Variants in NUP107 observed in about 807,000 individuals in gnomAD.
NUP107 encodes nuclear pore complex protein Nup107.
A neutral mutation model predicts 141.0 loss-of-function variants in NUP107; 101 were observed. The observed-to-expected ratio is 0.72, with a 90% confidence interval of 0.61 to 0.84. The LOEUF is 0.84. Among genes scored for constraint, NUP107 ranks in the 40% least tolerant of loss-of-function variants. NUP107 has a pLI of 0.00. For missense variants in NUP107, 941 were observed against 1,102.7 expected (o/e 0.85, Z 2.08); for synonymous variants, 319 against 363.9 (o/e 0.88, Z 1.41).
chr12:68,738,419 C>T (rs897526358), intron 26 of NUP107, among the ~76,000 whole-genome samples: 11 of 151,318 alleles, frequency 7.3e-5, no homozygotes, highest in Non-Finnish European at 1.3e-4. Flanking sequence ...CCACTGCACT[C>T]CAGCCTGGGC....
chr12:68,710,097 A>G lies in NUP107; in HGVS notation c.890+4A>G, dbSNP rs1565692910. The G allele has an allele frequency of 7.1e-7, 1 of 1,412,040 alleles. No homozygotes were observed. The highest frequency in any genetic ancestry group is 1.7e-5 in the Admixed American group (1 of 58,274). The allele number at this position is 1,412,040 out of a possible 1,614,324, so 87.5% of individuals were successfully genotyped here. On this transcript the variant is annotated splice_donor_region_variant and intron_variant, in intron 10 of 27. Transcript: ENST00000229179. ...TTTATGCAAAATCAGTATATTGGTAAGTTACCAAACTTTAATTCTTAAGGT... is the reference window on the plus strand; with the variant it reads ...TTTATGCAAAATCAGTATATTGGTAGGTTACCAAACTTTAATTCTTAAGGT...
At chr12:68,721,075 G>C in intron 14 of NUP107, 43 bp from the exon 15 acceptor site, 1 of 1,337,214 alleles carries the variant, frequency 7.5e-7, no homozygotes, top group Non-Finnish European at 1.1e-6. Context: ...GACATACTAA[G>C]AAAAACAATA....
In NUP107 at chr12:68,733,674, C is replaced by T. The variant is rs572057315; in HGVS notation, c.2262+62C>T. The T allele has an allele frequency of 3.3e-6, 5 of 1,530,998 alleles. No individual in the cohort carries two copies. In the South Asian group the frequency reaches 6.3e-5, roughly 19 times the overall value. The allele number at this position is 1,530,998 out of a possible 1,614,324, so 94.8% of individuals were successfully genotyped here. ...CATGATGATTTTTCGGATTCACTCT[C>T]AGAGTTTGAACTTTTTTCTAGAAGT... On this transcript the variant is annotated intron_variant, in intron 24 of 27. Transcript: ENST00000229179.
At chr12:68,687,683 A>T (rs1875564519) in intron 1 of NUP107, 1 of 980,106 alleles carries the variant, frequency 1.0e-6, no homozygotes, top group Non-Finnish European at 1.2e-6. Context: ...TCTTTGAATA[A>T]TAAGAGTACA....
In NUP107 at chr12:68,741,920, G is replaced by A. The variant is rs1285930317; in HGVS notation, c.2610G>A (p.Gln870=). The A allele has an allele frequency of 6.2e-7, 1 of 1,612,172 alleles. No homozygotes were observed. The highest frequency in any genetic ancestry group is 8.5e-7 in the Non-Finnish European group (1 of 1,178,932). Residue 870 remains glutamine (Q), a synonymous_variant, in exon 27 of 28, where the codon CAG becomes CAA. Coordinates refer to ENST00000229179, the MANE Select transcript of NUP107 (RefSeq NM_020401.4). ...ATACGATATTGCACAGTACTGGTCA[G>A]TATCAGGAATGCCTACAGTTAGCAG... is the stretch of plus-strand genomic sequence containing the variant. ...LLHTILHSTG[Q]YQECLQLADM... is the part of the protein sequence containing the mutation.
chr12:68,723,334 C>T (rs770023310), intron 17 of NUP107, among the ~76,000 whole-genome samples: 3 of 151,988 alleles, frequency 2.0e-5, no homozygotes, highest in Non-Finnish European at 4.4e-5. Flanking sequence ...CCCAGGAGGT[C>T]GTGGCTTCAG....
intron 26 of NUP107, among the ~76,000 whole-genome samples, chr12:68,737,586 A>T (rs1878133455): frequency 1.4e-5 from 2 of 142,698 alleles, no homozygotes; most frequent in African/African-American, 5.2e-5. Flanking sequence ...AAAAAAATGG[A>T]GTTGAGATGG....
chr12:68,691,882 GA>G, intron 4 of NUP107, 85 bp from the exon 5 acceptor site: 2 of 997,248 alleles, frequency 2.0e-6, no homozygotes, highest in Non-Finnish European at 1.4e-6. Flanking sequence ...ATAATTTTTA[GA>G]AACCTTATTT....
At chr12:68,699,179 T>C (rs1401857161) in intron 6 of NUP107, among the ~76,000 whole-genome samples, 1 of 152,130 alleles carries the variant, frequency 6.6e-6, no homozygotes, top group Non-Finnish European at 1.5e-5. Context: ...AACACCAGCC[T>C]GGCCAATATG....
At chr12:68,724,007 A>G (rs1877457187) in intron 17 of NUP107, among the ~76,000 whole-genome samples, 1 of 152,198 alleles carries the variant, frequency 6.6e-6, no homozygotes, top group Non-Finnish European at 1.5e-5. Flanking sequence ...AAATTAAGGA[A>G]CAGATATAAA....
At chr12:68,740,625 A>G (rs1047058149) in intron 26 of NUP107, among the ~76,000 whole-genome samples, 1 of 151,866 alleles carries the variant, frequency 6.6e-6, no homozygotes, top group African/African-American at 2.4e-5. Flanking sequence ...TCACATGAAG[A>G]TACTTTTAGG....
chr12:68,736,995 G>A (rs919866728), intron 26 of NUP107, among the ~76,000 whole-genome samples: 2 of 152,028 alleles, frequency 1.3e-5, no homozygotes, highest in Non-Finnish European at 2.9e-5. Context: ...GAGCCACTGC[G>A]CCCAGCCAAG....
At chr12:68,701,711 A>T (rs1218232907) in intron 7 of NUP107, among the ~76,000 whole-genome samples, 1 of 152,170 alleles carries the variant, frequency 6.6e-6, no homozygotes, top group Non-Finnish European at 1.5e-5. Flanking sequence ...TAAATAAATA[A>T]ATAACCATTT....
intron 11 of NUP107, 138 bp from the exon 12 acceptor site, chr12:68,715,489 G>A (rs1193968771): frequency 2.8e-5 from 16 of 565,380 alleles, no homozygotes; most frequent in African/African-American, 1.3e-4. Context: ...ACAAGACTCC[G>A]TCTCGGAAAA....
intron 14 of NUP107, among the ~76,000 whole-genome samples, chr12:68,720,038 G>A (rs1313425932): frequency 6.6e-6 from 1 of 152,194 alleles, no homozygotes; most frequent in Non-Finnish European, 1.5e-5. Context: ...AGTAAGGTGG[G>A]TCTACCAGGT....
At chr12:68,729,152 G>A (rs1005431495) in intron 20 of NUP107, among the ~76,000 whole-genome samples, 1 of 152,286 alleles carries the variant, frequency 6.6e-6, no homozygotes, top group Admixed American at 6.5e-5. Context: ...CATTTTAAAT[G>A]GATACTCACA....
intron 6 of NUP107, among the ~76,000 whole-genome samples, chr12:68,697,532 C>CTAGT (rs1328541965): frequency 6.6e-6 from 1 of 151,924 alleles, no homozygotes; most frequent in Non-Finnish European, 1.5e-5. Context: ...GGTTTAATAC[C>CTAGT]TAGTTGATGG....
chr12:68,692,292 A>C, intron 5 of NUP107, 180 bp downstream of exon 5: 1 of 606,182 alleles, frequency 1.6e-6, no homozygotes. Context: ...CAAGAGTCTC[A>C]CTCTGTTGCC....
At chr12:68,723,438 G>C (rs1877434340) in intron 17 of NUP107, among the ~76,000 whole-genome samples, 2 of 151,930 alleles carry the variant, frequency 1.3e-5, no homozygotes, top group Admixed American at 1.3e-4. Flanking sequence ...AGGTAGGTAG[G>C]TAAAGAAACA....
Sources: allele counts gnomAD v4.1 joint callset (sites outside exome capture counted in the v4.1 genomes callset), GRCh38; gene constraint gnomAD v4.1.1; transcripts MANE v1.5; gene names NCBI Gene and HGNC (gene_info 2026-07-23, HGNC 2026-07-21).